Variants in GRID2 observed in about 807,000 individuals in gnomAD.
The protein encoded by GRID2 is glutamate ionotropic receptor delta type subunit 2, also known as glutamate receptor ionotropic, delta-2.
A neutral mutation model predicts 114.8 loss-of-function variants in GRID2; 33 were observed. That is an observed-to-expected ratio of 0.29 (90% CI 0.22 to 0.38). The LOEUF (loss-of-function observed/expected upper bound fraction) is 0.38, where lower values mean the gene tolerates loss of function less well. Ranked by LOEUF, GRID2 falls within the 10% of genes least tolerant of loss-of-function variation. GRID2 has a pLI of 1.00. For synonymous variants in GRID2, 505 were observed against 449.9 expected (o/e 1.12, Z -1.55); for missense variants, 1,184 against 1,257.7 (o/e 0.94, Z 0.89).
intron 8 of GRID2, among the ~76,000 whole-genome samples, chr4:93,340,324 TC>T (rs1759523753): frequency 1.1e-5 from 1 of 93,280 alleles, no homozygotes; most frequent in Admixed American, 9.1e-5. Flanking sequence ...TGTCTGTCTT[TC>T]TTTTTCTTAA....
chr4:93,518,207 T>C (rs1729996904), intron 13 of GRID2, among the ~76,000 whole-genome samples: 1 of 151,728 alleles, frequency 6.6e-6, no homozygotes, highest in Non-Finnish European at 1.5e-5. Flanking sequence ...TCTGTATTTG[T>C]TCTTAATTGT....
chr4:93,679,745 A>G (rs972991940), intron 14 of GRID2, among the ~76,000 whole-genome samples: 2 of 151,034 alleles, frequency 1.3e-5, no homozygotes, highest in African/African-American at 4.9e-5. Flanking sequence ...CAAAGACACA[A>G]CATACCAGAA....
chr4:93,384,641 G>C (rs1242043018), intron 8 of GRID2, among the ~76,000 whole-genome samples: 2 of 152,034 alleles, frequency 1.3e-5, no homozygotes, highest in African/African-American at 4.8e-5. Context: ...ATAAATAACT[G>C]TCTTCTTAAT....
chr4:93,539,179 T>C (rs1434064864), intron 13 of GRID2, among the ~76,000 whole-genome samples: 2 of 151,926 alleles, frequency 1.3e-5, no homozygotes, highest in African/African-American at 4.8e-5. Context: ...TTAGTTTCTG[T>C]CCTTCTCTTG....
At chr4:92,599,087 T>C (rs984062422) in intron 2 of GRID2, among the ~76,000 whole-genome samples, 1 of 150,880 alleles carries the variant, frequency 6.6e-6, no homozygotes, top group Non-Finnish European at 1.5e-5. Context: ...GGGCTGGTTC[T>C]GCTAGTCAGC....
At chr4:92,880,649 T>A (rs1745935990) in intron 2 of GRID2, among the ~76,000 whole-genome samples, 1 of 152,178 alleles carries the variant, frequency 6.6e-6, no homozygotes, top group African/African-American at 2.4e-5. Context: ...TCTAGAGGGA[T>A]AATAAATATG....
At chr4:93,047,463 C>G (rs1726259365) in intron 2 of GRID2, among the ~76,000 whole-genome samples, 1 of 151,948 alleles carries the variant, frequency 6.6e-6, no homozygotes, top group Non-Finnish European at 1.5e-5. Context: ...TTCTATAAAT[C>G]TAAACTAAAT....
intron 13 of GRID2, among the ~76,000 whole-genome samples, chr4:93,563,167 TC>T (rs1412038536): frequency 6.6e-6 from 1 of 152,066 alleles, no homozygotes; most frequent in Non-Finnish European, 1.5e-5. Flanking sequence ...AAACTGTCAG[TC>T]TTAGGTAAGT....
chr4:92,943,855 G>A (rs964625596), intron 2 of GRID2, among the ~76,000 whole-genome samples: 1 of 152,226 alleles, frequency 6.6e-6, no homozygotes, highest in Admixed American at 6.5e-5. Flanking sequence ...TCCAGGCCCT[G>A]TTTGCCTGAG....
chr4:93,502,676 T>C (rs1728225127), intron 12 of GRID2, among the ~76,000 whole-genome samples: 2 of 149,958 alleles, frequency 1.3e-5, no homozygotes, highest in African/African-American at 2.5e-5. Context: ...CCTAAAGATA[T>C]TTAATTTATT....
intron 2 of GRID2, among the ~76,000 whole-genome samples, chr4:92,754,836 T>G (rs1737631176): frequency 6.6e-6 from 1 of 152,230 alleles, no homozygotes; most frequent in Non-Finnish European, 1.5e-5. Flanking sequence ...GCTATGATTA[T>G]TTTCCAATTG....
chr4:93,349,741 A>AT (rs1760607240), intron 8 of GRID2, among the ~76,000 whole-genome samples: 1 of 152,090 alleles, frequency 6.6e-6, no homozygotes, highest in African/African-American at 2.4e-5. Context: ...CCAGGGCAGG[A>AT]TTATTTCTAG....
intron 1 of GRID2, among the ~76,000 whole-genome samples, chr4:92,502,353 A>C (rs1374745070): frequency 2.0e-5 from 3 of 152,120 alleles, no homozygotes; most frequent in African/African-American, 7.2e-5. Context: ...TTAGGGGCTA[A>C]ATGCAAATTT....
In GRID2 at chr4:93,169,219, A is replaced by G. The variant is rs535708996; in HGVS notation, c.736-38185A>G. Among the ~76,000 whole-genome samples the G allele has an allele frequency of 2.6e-5, 4 of 151,860 alleles. No homozygotes were observed. The South Asian group carries it at 8.3e-4, about 32-fold the overall frequency. ...TAGGCTAAGTGTAAAAATTATAGAAAATATTTATTGCCTATTTTTGAGCAC... is the reference window on the plus strand; with the variant it reads ...TAGGCTAAGTGTAAAAATTATAGAAGATATTTATTGCCTATTTTTGAGCAC... On this transcript the variant is annotated intron_variant, in intron 4 of 15. Coordinates refer to ENST00000282020, the MANE Select transcript of GRID2 (RefSeq NM_001510.4).
chr4:92,559,124 C>A (rs998682975), intron 1 of GRID2, among the ~76,000 whole-genome samples: 1 of 151,948 alleles, frequency 6.6e-6, no homozygotes, highest in South Asian at 2.1e-4. Flanking sequence ...TCCTATTTTG[C>A]TTAATTTAAT....
At chr4:92,646,198 T>C (rs1731612755) in intron 2 of GRID2, among the ~76,000 whole-genome samples, 4 of 5,714 alleles carry the variant, frequency 7.0e-4, no homozygotes. Context: ...TAATGTGCCA[T>C]GGAGATACTT....
intron 8 of GRID2, among the ~76,000 whole-genome samples, chr4:93,245,417 A>T (rs889274085): frequency 6.6e-6 from 1 of 152,190 alleles, no homozygotes; most frequent in South Asian, 2.1e-4. Context: ...GCACTTGATC[A>T]CCAAAAGTAT....
At chr4:92,844,158 C>T (rs1406921683) in intron 2 of GRID2, among the ~76,000 whole-genome samples, 1 of 151,774 alleles carries the variant, frequency 6.6e-6, no homozygotes, top group African/African-American at 2.4e-5. Context: ...TTCCGTTTTC[C>T]TTGAATTAAC....
intron 2 of GRID2, among the ~76,000 whole-genome samples, chr4:92,594,964 G>A (rs1047646354): frequency 6.6e-6 from 1 of 151,904 alleles, no homozygotes; most frequent in Non-Finnish European, 1.5e-5. Flanking sequence ...TGGTATATTT[G>A]TAGAAATCCT....
Sources: allele counts gnomAD v4.1 joint callset (sites outside exome capture counted in the v4.1 genomes callset), GRCh38; gene constraint gnomAD v4.1.1; transcripts MANE v1.5; gene names NCBI Gene and HGNC (gene_info 2026-07-23, HGNC 2026-07-21).